XIRP2: variants seen among roughly 807,000 people sequenced by gnomAD.
XIRP2 encodes the protein xin actin-binding repeat-containing protein 2.
Under a neutral mutation model 277.0 loss-of-function variants are expected in XIRP2, and 236 were observed. The ratio of observed to expected loss-of-function variants is 0.85; its 90% CI spans 0.77 to 0.95. The LOEUF (loss-of-function observed/expected upper bound fraction) is 0.95, where lower values mean the gene tolerates loss of function less well. Among genes scored for constraint, XIRP2 ranks in the 40% least tolerant of loss-of-function variants. The pLI is 0.00. For synonymous variants in XIRP2, 1,490 were observed against 1,416.5 expected (o/e 1.05, Z -1.17); for missense variants, 4,640 against 4,157.5 (o/e 1.12, Z -3.19).
intron 2 of XIRP2, among the ~76,000 whole-genome samples, chr2:167,099,763 G>A (rs777210123): frequency 2.0e-5 from 3 of 151,908 alleles, no homozygotes; most frequent in Non-Finnish European, 4.4e-5. Flanking sequence ...ATGAGAGGGA[G>A]TTCCCTGACC....
At chr2:167,209,651 C>T (rs764658138) in intron 3 of XIRP2, among the ~76,000 whole-genome samples, 15 of 151,746 alleles carry the variant, frequency 9.9e-5, no homozygotes, top group Non-Finnish European at 1.2e-4. Flanking sequence ...TGTATACATA[C>T]CTATAACATG....
chr2:167,175,299 T>G (rs1019715756), intron 3 of XIRP2, among the ~76,000 whole-genome samples: 1 of 152,176 alleles, frequency 6.6e-6, no homozygotes, highest in African/African-American at 2.4e-5. Flanking sequence ...TCTTGTTGAA[T>G]TGATCCCTTT....
At chr2:167,093,554 G>A (rs113221480) in intron 2 of XIRP2, among the ~76,000 whole-genome samples, 4,770 of 152,110 alleles carry the variant, frequency 0.031, 102 homozygotes, top group East Asian at 0.05. Flanking sequence ...ACTTAGGAGT[G>A]AGAACATGTG....
chr2:167,036,716 G>C lies in XIRP2; in HGVS notation c.409-99193G>C, dbSNP rs189539535. Among the ~76,000 whole-genome samples the C allele has an allele frequency of 5.5e-4, 84 of 152,092 alleles. No homozygotes were observed. The East Asian group carries it at 7.9e-3, about 14-fold the overall frequency. The stretch of plus-strand genomic sequence containing the variant: ...AATGTGAGGACATGAGATTTGGAGG[G>C]GCCAGGGATGGAATGATATGGTTTG... On this transcript the variant is annotated intron_variant, in intron 2 of 10. Transcript: ENST00000409195.
intron 2 of XIRP2, among the ~76,000 whole-genome samples, chr2:166,949,341 A>G (rs566709285): frequency 6.6e-6 from 1 of 152,162 alleles, no homozygotes; most frequent in South Asian, 2.1e-4. Flanking sequence ...TTAATTTCCT[A>G]ATTCTTAAAA....
rs987023002 is a variant in XIRP2, at chr2:166,928,467, A to G, written c.408+24577A>G. Among the ~76,000 whole-genome samples, 29 of 152,280 alleles carry G rather than the reference A, an allele frequency of 1.9e-4. 3 individuals are homozygous for G. Among genetic ancestry groups the G allele is most frequent in the Admixed American group, 1.6e-3 (25 of 15,276 alleles). On this transcript the variant is annotated intron_variant, in intron 2 of 10. Coordinates refer to ENST00000409195, the MANE Select transcript of XIRP2 (RefSeq NM_152381.6). ...CATTTAATTCAGCTTCCAAGTTTGC[A>G]TTAACTTTTTCACTTTACAAATTCT...
chr2:167,251,373 T>C lies in XIRP2; in HGVS notation c.9981T>C (p.Asn3327=), dbSNP rs1695497013. ...RTVQMAENFV[N]DPENEINRWF... is the part of the protein sequence containing the mutation. ...TTCAAATGGCTGAAAATTTCGTGAA[T>C]GACCCTGAAAATGAAATAAACAGAT... The change falls in exon 9 of 11, where the codon AAT becomes AAC. Residue 3327 remains asparagine (N), a synonymous_variant. Coordinates refer to ENST00000409195, the MANE Select transcript of XIRP2 (RefSeq NM_152381.6). The C allele has an allele frequency of 1.2e-6, 2 of 1,613,450 alleles. No individual in the cohort carries two copies. The highest frequency in any genetic ancestry group is 1.7e-6 in the Non-Finnish European group (2 of 1,179,664).
chr2:167,076,775 G>A (rs1170693735), intron 2 of XIRP2, among the ~76,000 whole-genome samples: 1 of 152,122 alleles, frequency 6.6e-6, no homozygotes, highest in Non-Finnish European at 1.5e-5. Context: ...TTAAGAAAAT[G>A]TATTTTCATG....
intron 2 of XIRP2, among the ~76,000 whole-genome samples, chr2:166,906,394 T>G (rs1332260653): frequency 6.6e-6 from 1 of 152,110 alleles, no homozygotes; most frequent in East Asian, 1.9e-4. Context: ...ACATACATTA[T>G]GTATACATAC....
At chr2:166,910,729 T>C (rs961300047) in intron 2 of XIRP2, among the ~76,000 whole-genome samples, 4 of 152,224 alleles carry the variant, frequency 2.6e-5, no homozygotes, top group African/African-American at 9.6e-5. Flanking sequence ...AGATTTTTCC[T>C]GCTTTCTCTT....
intron 3 of XIRP2, among the ~76,000 whole-genome samples, chr2:167,146,782 A>G (rs894104926): frequency 6.6e-6 from 1 of 152,118 alleles, no homozygotes; most frequent in Non-Finnish European, 1.5e-5. Flanking sequence ...AAGGCATATC[A>G]TAGTAAATAA....
chr2:167,071,644 G>A (rs1170900703), intron 2 of XIRP2, among the ~76,000 whole-genome samples: 1 of 152,154 alleles, frequency 6.6e-6, no homozygotes, highest in African/African-American at 2.4e-5. Context: ...ACCTCTTCCT[G>A]TTTGTTAGTA....
At chr2:166,942,767 T>G (rs1217292200) in intron 2 of XIRP2, among the ~76,000 whole-genome samples, 1 of 151,994 alleles carries the variant, frequency 6.6e-6, no homozygotes, top group African/African-American at 2.4e-5. Flanking sequence ...GAAATATCAG[T>G]ATGAGGTTTT....
intron 2 of XIRP2, among the ~76,000 whole-genome samples, chr2:167,057,468 T>A (rs887013720): frequency 6.6e-6 from 1 of 152,204 alleles, no homozygotes; most frequent in African/African-American, 2.4e-5. Flanking sequence ...CATAGAATGC[T>A]GAGGTCCGGA....
At chr2:166,904,895 A>G (rs1446913675) in intron 2 of XIRP2, among the ~76,000 whole-genome samples, 1 of 152,112 alleles carries the variant, frequency 6.6e-6, no homozygotes, top group Non-Finnish European at 1.5e-5. Context: ...CAGAAATAGA[A>G]TATTTTTGAA....
intron 3 of XIRP2, among the ~76,000 whole-genome samples, chr2:167,145,793 T>C (rs895987789): frequency 9.9e-5 from 15 of 152,166 alleles, no homozygotes; most frequent in African/African-American, 3.6e-4. Context: ...TTCTTTATGT[T>C]GCAGAGTACA....
intron 2 of XIRP2, among the ~76,000 whole-genome samples, chr2:167,071,028 T>C: frequency 6.6e-6 from 1 of 152,210 alleles, no homozygotes; most frequent in Non-Finnish European, 1.5e-5. Flanking sequence ...TTAAGTAGTT[T>C]TCCCAATAGC....
At chr2:167,141,303 A>C (rs1001309161) in intron 3 of XIRP2, among the ~76,000 whole-genome samples, 4 of 152,206 alleles carry the variant, frequency 2.6e-5, no homozygotes, top group Non-Finnish European at 5.9e-5. Flanking sequence ...TCATCAAACA[A>C]ATAAGTATTG....
rs200585621 is a variant in XIRP2, at chr2:166,997,905, C to CAA, written c.408+94027_408+94028dup. Among the ~76,000 whole-genome samples the CAA allele has an allele frequency of 2.4e-3, 318 of 133,586 alleles. 2 individuals are homozygous for CAA. Among genetic ancestry groups the CAA allele is most frequent in the East Asian group, 0.016 (78 of 4,770 alleles). The allele number at this position is 133,586 out of a possible 152,430, so 87.6% of individuals were successfully genotyped here. On this transcript the variant is annotated intron_variant, in intron 2 of 10. Coordinates refer to ENST00000409195, the MANE Select transcript of XIRP2 (RefSeq NM_152381.6). ...CTGGTGAAAGAGCGAGACTCCATCT[C>CAA]AAAAAAAAAAAAAGAAGAAGAAGTT... is the stretch of plus-strand genomic sequence containing the variant.
Sources: allele counts gnomAD v4.1 joint callset (sites outside exome capture counted in the v4.1 genomes callset), GRCh38; gene constraint gnomAD v4.1.1; transcripts MANE v1.5; gene names NCBI Gene and HGNC (gene_info 2026-07-23, HGNC 2026-07-21).